GTF2A1L: variants seen among roughly 807,000 people sequenced by gnomAD.
The protein encoded by GTF2A1L is general transcription factor IIA subunit 1 like, also known as TFIIA-alpha and beta-like factor.
In GTF2A1L, 48 loss-of-function variants were observed where a neutral mutation model predicts 49.7. That is an observed-to-expected ratio of 0.97 (90% CI 0.77 to 1.23). The LOEUF is 1.23. GTF2A1L is among the 50% of genes most tolerant of loss of function. The probability of loss-of-function intolerance (pLI) is 0.00; values close to 1 mark genes in which losing one functional copy is unlikely to be tolerated. For missense variants in GTF2A1L, 736 were observed against 564.8 expected, an observed-to-expected ratio of 1.30 and a Z score of -3.07; for synonymous variants, 246 against 193.5, an observed-to-expected ratio of 1.27 and a Z score of -2.25.
chr2:48,671,995 C>G (rs1679194286), intron 8 of GTF2A1L, among the ~76,000 whole-genome samples: 1 of 152,164 alleles, frequency 6.6e-6, no homozygotes, highest in Non-Finnish European at 1.5e-5. Context: ...AAATCAAATG[C>G]TAAAATATGT....
At chr2:48,621,430 G>A (rs1675995220) in intron 3 of GTF2A1L, 140 bp downstream of exon 3, 1 of 1,157,890 alleles carries the variant, frequency 8.6e-7, no homozygotes, top group Non-Finnish European at 1.2e-6. Flanking sequence ...AATGAACACA[G>A]TATAAATCAT....
At chr2:48,676,743 A>G (rs1384279412) in intron 8 of GTF2A1L, among the ~76,000 whole-genome samples, 1 of 151,626 alleles carries the variant, frequency 6.6e-6, no homozygotes, top group Non-Finnish European at 1.5e-5. Flanking sequence ...ATGAATAAAA[A>G]GTTCTTTCTT....
intron 6 of GTF2A1L, among the ~76,000 whole-genome samples, chr2:48,654,529 C>G (rs1473649260): frequency 2.0e-5 from 3 of 151,984 alleles, no homozygotes; most frequent in Non-Finnish European, 4.4e-5. Flanking sequence ...ATTACAGGTG[C>G]CCACCACCAT....
At chr2:48,621,330 A>G (rs1675989544) in intron 3 of GTF2A1L, 40 bp downstream of exon 3, 4 of 1,612,930 alleles carry the variant, frequency 2.5e-6, no homozygotes, top group South Asian at 1.1e-5. Flanking sequence ...TAGTATCTTC[A>G]GAACAAATTC....
At chr2:48,621,847 A>T (rs1247748464) in intron 3 of GTF2A1L, among the ~76,000 whole-genome samples, 1 of 152,180 alleles carries the variant, frequency 6.6e-6, no homozygotes, top group Non-Finnish European at 1.5e-5. Flanking sequence ...TTTTAAGGGA[A>T]ATGTTTGTCC....
At chr2:48,662,522 T>C (rs1027626672) in intron 6 of GTF2A1L, among the ~76,000 whole-genome samples, 1 of 151,944 alleles carries the variant, frequency 6.6e-6, no homozygotes, top group African/African-American at 2.4e-5. Flanking sequence ...TAAGGCAGAG[T>C]TTATTCAAGG....
At chr2:48,648,865 A>G (rs1159402288) in intron 6 of GTF2A1L, among the ~76,000 whole-genome samples, 1 of 152,152 alleles carries the variant, frequency 6.6e-6, no homozygotes. Flanking sequence ...TATTTATTGT[A>G]AGTTACCTTT....
chr2:48,670,069 G>A, intron 7 of GTF2A1L, 87 bp downstream of exon 7: 1 of 1,492,720 alleles, frequency 6.7e-7, no homozygotes, highest in East Asian at 2.3e-5. Context: ...GGAATAGCAA[G>A]ATTAATCTTT....
At chr2:48,639,719 G>C (rs1018237480) in intron 3 of GTF2A1L, among the ~76,000 whole-genome samples, 6 of 152,168 alleles carry the variant, frequency 3.9e-5, no homozygotes, top group African/African-American at 1.4e-4. Context: ...TTAAACTTAA[G>C]AGTTTCTGCA....
chr2:48,628,511 T>C (rs1274503038), intron 3 of GTF2A1L, among the ~76,000 whole-genome samples: 1 of 143,988 alleles, frequency 6.9e-6, no homozygotes, highest in Non-Finnish European at 1.6e-5. Flanking sequence ...TGGCCACTTC[T>C]ATATCTTTTG....
chr2:48,665,231 A>G (rs1678752753), intron 6 of GTF2A1L, among the ~76,000 whole-genome samples: 1 of 150,328 alleles, frequency 6.7e-6, no homozygotes, highest in Admixed American at 6.6e-5. Context: ...CAGGTTTTTC[A>G]ATTTTATTGA....
chr2:48,671,271 C>T (rs1339496169), intron 7 of GTF2A1L, among the ~76,000 whole-genome samples: 4 of 152,130 alleles, frequency 2.6e-5, no homozygotes, highest in Admixed American at 1.3e-4. Context: ...GGTGTGATCA[C>T]AGCTCACTGC....
chr2:48,623,530 A>G (rs570475201), intron 3 of GTF2A1L, among the ~76,000 whole-genome samples: 57 of 152,328 alleles, frequency 3.7e-4, no homozygotes, highest in African/African-American at 1.3e-3. Flanking sequence ...CTCAACTTAG[A>G]GCTACAATTC....
intron 3 of GTF2A1L, among the ~76,000 whole-genome samples, chr2:48,635,417 C>T (rs770064590): frequency 6.6e-6 from 1 of 151,998 alleles, no homozygotes; most frequent in South Asian, 2.1e-4. Context: ...AGCAGGTGCC[C>T]TGAATGCCTG....
chr2:48,661,612 C>T (rs938061195), intron 6 of GTF2A1L, among the ~76,000 whole-genome samples: 3 of 151,834 alleles, frequency 2.0e-5, no homozygotes, highest in Non-Finnish European at 4.4e-5. Flanking sequence ...ATTGTTATAT[C>T]GTCTTGGTAT....
Position 48,668,876 on chromosome 2 carries a change from A to G in GTF2A1L, c.979-846A>G, listed in dbSNP as rs1036485828. ...AATAAATAAATAAATACACAAATAA[A>G]TTAGAAAATGCCTATAAAATACTTA... On this transcript the variant is annotated intron_variant, in intron 6 of 8. Transcript: ENST00000403751. 1.4e-4 allele frequency among the ~76,000 whole-genome samples: 22 copies of G among 152,146 alleles called. 1 individual carries two copies. The highest frequency in any genetic ancestry group is 4.6e-4 in the African/African-American group (19 of 41,534).
In GTF2A1L at chr2:48,621,243, C is replaced by T. The variant is rs749456476; in HGVS notation, c.200C>T (p.Thr67Ile). 3.1e-6 allele frequency: 5 copies of T among 1,614,148 alleles called. No individual in the cohort carries two copies. The highest frequency in any genetic ancestry group is 1.1e-5 in the South Asian group (1 of 91,080). Residue 67 changes from threonine (T) to isoleucine (I), a missense_variant, in exon 3 of 9, where the codon ACT becomes ATT. Thr to Ile is a moderately conservative substitution (Grantham distance 89, BLOSUM62 -1). Coordinates refer to ENST00000403751, the MANE Select transcript of GTF2A1L (RefSeq NM_006872.5). ...FRNSIQSPLF[T>I]LQLPHSLHQT... ...AATAGCATCCAATCACCTCTGTTTACTCTTCAGTTGCCGCACAGCTTGCAC... is the reference window on the plus strand; with the variant it reads ...AATAGCATCCAATCACCTCTGTTTATTCTTCAGTTGCCGCACAGCTTGCAC...
At chr2:48,634,923 G>T (rs778717079) in intron 3 of GTF2A1L, among the ~76,000 whole-genome samples, 4 of 152,190 alleles carry the variant, frequency 2.6e-5, no homozygotes, top group African/African-American at 7.2e-5. Flanking sequence ...TCCCCCAGTG[G>T]CAGGTACAAG....
rs1677524977 is a variant in GTF2A1L at position 48,646,623 on chromosome 2, TCA to T, written c.562_563del (p.Gln188GlufsTer3). 6.2e-7 allele frequency: 1 copy of T among 1,613,914 alleles called. No individual in the cohort carries two copies. The highest frequency in any genetic ancestry group is 8.5e-7 in the Non-Finnish European group (1 of 1,180,012). ...PWSLQATTEK[S>X]QRIETVLQQP... ...GTCTCTTCAAGCAACTACTGAAAAA[TCA>T]CAGAGAATTGAAACCGTGCTACAGC... On this transcript the variant is annotated frameshift_variant, in exon 6 of 9. Coordinates refer to ENST00000403751, the MANE Select transcript of GTF2A1L (RefSeq NM_006872.5). LOFTEE classifies it high-confidence loss of function.
Sources: gnomAD v4.1 joint callset for allele counts (sites outside exome capture counted in the v4.1 genomes callset) on GRCh38, gnomAD v4.1.1 for gene constraint, MANE v1.5 for transcripts, NCBI Gene and HGNC (gene_info 2026-07-23, HGNC 2026-07-21) for gene names.